XRN2: variants seen among roughly 807,000 people sequenced by gnomAD.
XRN2 encodes the protein DHM1-like protein.
A neutral mutation model predicts 138.5 loss-of-function variants in XRN2; 44 were observed. The ratio of observed to expected loss-of-function variants is 0.32; its 90% CI spans 0.25 to 0.41. The LOEUF is 0.41. Ranked by LOEUF, XRN2 falls within the 10% of genes least tolerant of loss-of-function variation. XRN2 has a pLI of 1.00. For synonymous variants in XRN2, 354 were observed against 369.4 expected (o/e 0.96, Z 0.48); for missense variants, 937 against 1,169.3 (o/e 0.80, Z 2.90).
At chr20:21,349,579 C>T (rs1001184559) in intron 20 of XRN2, 118 bp downstream of exon 20, 2 of 853,698 alleles carry the variant, frequency 2.3e-6, no homozygotes, top group Non-Finnish European at 3.7e-6. Context: ...CTCATTTCTA[C>T]AAAAAATACA....
intron 27 of XRN2, among the ~76,000 whole-genome samples, chr20:21,374,704 GT>G (rs1228362700): frequency 2.0e-5 from 3 of 152,054 alleles, no homozygotes; most frequent in Non-Finnish European, 4.4e-5. Flanking sequence ...CTATGTGTCA[GT>G]GTATGGTGGG....
intron 27 of XRN2, 131 bp downstream of exon 27, chr20:21,368,721 A>G: frequency 7.9e-7 from 1 of 1,269,798 alleles, no homozygotes; most frequent in Non-Finnish European, 1.1e-6. Context: ...CATGTAAGTT[A>G]GAAGAGTTGT....
intron 13 of XRN2, 138 bp downstream of exon 13, chr20:21,334,323 C>A: frequency 1.4e-6 from 1 of 697,010 alleles, no homozygotes; most frequent in Non-Finnish European, 2.4e-6. Flanking sequence ...CATGAGTGGT[C>A]AGTGCTTTGA....
At chr20:21,319,431 A>C (rs1034530344) in intron 1 of XRN2, among the ~76,000 whole-genome samples, 5 of 151,962 alleles carry the variant, frequency 3.3e-5, no homozygotes, top group Non-Finnish European at 7.4e-5. Context: ...TGTATGTCTC[A>C]TGTCATTTTT....
At chr20:21,336,631 C>G (rs1211483410) in intron 13 of XRN2, among the ~76,000 whole-genome samples, 1 of 152,114 alleles carries the variant, frequency 6.6e-6, no homozygotes, top group Non-Finnish European at 1.5e-5. Flanking sequence ...GCTAGTGATA[C>G]AGCAAAAAAC....
At chr20:21,353,193 T>C (rs1488730606) in intron 20 of XRN2, among the ~76,000 whole-genome samples, 1 of 144,560 alleles carries the variant, frequency 6.9e-6, no homozygotes, top group Non-Finnish European at 1.5e-5. Context: ...ATTTTATATA[T>C]ATATAAATAT....
intron 18 of XRN2, 21 bp downstream of exon 18, chr20:21,348,274 T>C: frequency 6.2e-7 from 1 of 1,612,544 alleles, no homozygotes; most frequent in Non-Finnish European, 8.5e-7. Flanking sequence ...TTACTTAAAG[T>C]CATAAAGTTT....
Position 21,332,368 on chromosome 20 carries a change from A to G in XRN2, c.786A>G (p.Pro262=). 6.2e-7 allele frequency: 1 copy of G among 1,613,872 alleles called. No individual in the cohort carries two copies. The highest frequency in any genetic ancestry group is 1.1e-5 in the South Asian group (1 of 91,062). The change falls in exon 9 of 30, where the codon CCA becomes CCG. Residue 262 remains proline, a synonymous_variant. Transcript: ENST00000377191. ...AATTCAAACCAAACAAGCCCAAACC[A>G]TGTGGTCTTTGTAATCAGTTTGGAC... ...REEFKPNKPK[P]CGLCNQFGHE... is the part of the protein sequence containing the mutation.
intron 27 of XRN2, among the ~76,000 whole-genome samples, chr20:21,368,994 A>G (rs2038733371): frequency 6.6e-6 from 1 of 152,144 alleles, no homozygotes; most frequent in Admixed American, 6.5e-5. Context: ...ATCAAATACT[A>G]GATCTTATTC....
intron 1 of XRN2, among the ~76,000 whole-genome samples, chr20:21,312,345 C>G (rs1278366800): frequency 6.6e-6 from 1 of 152,126 alleles, no homozygotes; most frequent in Non-Finnish European, 1.5e-5. Flanking sequence ...AGGATGGTCT[C>G]TATCTCCTGA....
intron 27 of XRN2, among the ~76,000 whole-genome samples, chr20:21,377,637 C>T (rs1230476220): frequency 8.6e-5 from 13 of 151,202 alleles, no homozygotes; most frequent in African/African-American, 2.9e-4. Flanking sequence ...CTTCTAGATT[C>T]AATATTTGTG....
At chr20:21,305,056 G>C (rs2037797047) in intron 1 of XRN2, among the ~76,000 whole-genome samples, 1 of 152,072 alleles carries the variant, frequency 6.6e-6, no homozygotes, top group Non-Finnish European at 1.5e-5. Context: ...TGCCGCGCCC[G>C]GACTCTATTT....
chr20:21,388,253 C>A (rs1201150997), intron 29 of XRN2, among the ~76,000 whole-genome samples: 1 of 152,220 alleles, frequency 6.6e-6, no homozygotes, highest in East Asian at 1.9e-4. Flanking sequence ...GACCCCAGTT[C>A]ATCCATTTTC....
chr20:21,315,842 T>G (rs972855259), intron 1 of XRN2, among the ~76,000 whole-genome samples: 6 of 152,098 alleles, frequency 3.9e-5, no homozygotes, highest in Admixed American at 6.6e-5. Context: ...AGTGTAAGAG[T>G]TTTAAAGAAT....
intron 27 of XRN2, among the ~76,000 whole-genome samples, chr20:21,373,397 G>A (rs1224157719): frequency 6.6e-6 from 1 of 152,190 alleles, no homozygotes; most frequent in Non-Finnish European, 1.5e-5. Flanking sequence ...TTGGTTTCTG[G>A]TTTGAGGTTG....
chr20:21,353,161 AAT>A (rs1456288557), intron 20 of XRN2, among the ~76,000 whole-genome samples: 1 of 145,606 alleles, frequency 6.9e-6, no homozygotes, highest in East Asian at 2.0e-4. Flanking sequence ...TTTAATATAT[AAT>A]ATAATATATG....
At position 21,354,839 on chromosome 20, in the gene XRN2, G is replaced by A; in HGVS notation, c.1987G>A (p.Glu663Lys). ...TGAGCGAAGGCTACGAGCTGCCCTAGAAGAGGTATACCCAGACCTCACTCC... is the reference window on the plus strand; with the variant it reads ...TGAGCGAAGGCTACGAGCTGCCCTAAAAGAGGTATACCCAGACCTCACTCC... The part of the protein sequence containing the change: ...VDERRLRAAL[E>K]EVYPDLTPEE... The change falls in exon 21 of 30, where the codon GAA (glutamate) becomes AAA (lysine). Residue 663 changes from glutamate (E) to lysine (K), a missense_variant. Glu to Lys is a moderately conservative substitution (Grantham distance 56). Transcript: ENST00000377191. 6.2e-7 allele frequency: 1 copy of A among 1,613,970 alleles called. No individual in the cohort carries two copies. The highest frequency in any genetic ancestry group is 8.5e-7 in the Non-Finnish European group (1 of 1,179,942).
At chr20:21,380,455 TCTTA>T (rs1328072589) in intron 27 of XRN2, among the ~76,000 whole-genome samples, 2 of 152,224 alleles carry the variant, frequency 1.3e-5, no homozygotes, top group African/African-American at 4.8e-5. Context: ...TGTAAGAACT[TCTTA>T]CTTTTATCTC....
Position 21,303,410 on chromosome 20 carries a change from G to C in XRN2, c.12G>C (p.Pro4=). The change falls in exon 1 of 30, where the codon CCG becomes CCC. Residue 4 remains proline (P), a synonymous_variant. Coordinates refer to ENST00000377191, the MANE Select transcript of XRN2 (RefSeq NM_012255.5). MGV[P]AFFRWLSRKY... ...AGCCGTGTGCCGCTATGGGAGTCCC[G>C]GCGTTCTTCCGCTGGCTCAGCCGCA... 6.5e-7 allele frequency: 1 copy of C among 1,548,776 alleles called. No homozygotes were observed. The highest frequency in any genetic ancestry group is 8.7e-7 in the Non-Finnish European group (1 of 1,146,082).
Sources: gnomAD v4.1 joint callset for allele counts (sites outside exome capture counted in the v4.1 genomes callset) on GRCh38, gnomAD v4.1.1 for gene constraint, MANE v1.5 for transcripts, NCBI Gene and HGNC (gene_info 2026-07-23, HGNC 2026-07-21) for gene names.